The following DNAAF10 variants were observed in gnomAD, a reference collection of about 807,000 sequenced individuals.
DNAAF10 encodes dynein axonemal assembly factor 10, also known as WD repeat domain 92.
In DNAAF10, 28 loss-of-function variants were observed where a neutral mutation model predicts 43.7. The observed-to-expected ratio is 0.64, with a 90% confidence interval of 0.48 to 0.88. DNAAF10 has a LOEUF of 0.88. Ranked by LOEUF, DNAAF10 falls within the 40% of genes least tolerant of loss-of-function variation. The probability of loss-of-function intolerance (pLI) is 0.00; values close to 1 mark genes in which losing one functional copy is unlikely to be tolerated. For synonymous variants in DNAAF10, 156 were observed against 157.3 expected, an observed-to-expected ratio of 0.99 and a Z score of 0.06; for missense variants, 403 against 439.1, an observed-to-expected ratio of 0.92 and a Z score of 0.73.
chr2:68,138,815 T>C lies in DNAAF10; in HGVS notation c.560A>G (p.Tyr187Cys), dbSNP rs954294791. ...NQEERVVCAG[Y>C]DNGDIKLFDL... ...AAATAGTTTGATATCCCCATTGTCA[T>C]AGCCAGCACAAACAACACGTTCTTC... The change falls in exon 5 of 8, where the codon TAT becomes TGT. Residue 187 changes from tyrosine to cysteine, a missense_variant. Transcript: ENST00000295121. 6.8e-6 allele frequency: 11 copies of C among 1,614,162 alleles called. No homozygotes were observed. The highest frequency in any genetic ancestry group is 8.5e-6 in the Non-Finnish European group (10 of 1,180,000).
chr2:68,131,648 G>T (rs1338534650), intron 7 of DNAAF10: 2 of 552,280 alleles, frequency 3.6e-6, no homozygotes. Flanking sequence ...ATAAAAAAGG[G>T]TTATTAGTTC....
intron 1 of DNAAF10, among the ~76,000 whole-genome samples, chr2:68,154,698 G>A (rs17035046): frequency 0.03 from 4,584 of 152,224 alleles, 212 homozygotes; most frequent in African/African-American, 0.11. Flanking sequence ...CCCCAGAGTC[G>A]CTACAAAAGA....
rs1673188123 is a variant in DNAAF10, at chr2:68,141,813, G to A, written c.416-18C>T. 1 of 1,605,688 alleles carries A rather than the reference G, an allele frequency of 6.2e-7. No individual in the cohort carries two copies. The highest frequency in any genetic ancestry group is 1.3e-5 in the African/African-American group (1 of 74,598). On this transcript the variant is annotated intron_variant, in intron 3 of 7. Coordinates refer to ENST00000295121, the MANE Select transcript of DNAAF10 (RefSeq NM_138458.4). ...CACAGTTCCTGCCATGCATAAAAGT[G>A]AGTTGGCAAAAATTCAAAAGTAAAT...
chr2:68,130,165 C>G lies in DNAAF10; in HGVS notation c.*1073G>C, dbSNP rs1672899656. ...TTTTTTTTTGAGACGGAGTCTCACT[C>G]TGTCGCCAGGGCTGGAGTGCAGTGG... is the stretch of plus-strand genomic sequence containing the variant. On this transcript the variant is annotated 3_prime_UTR_variant, in exon 8 of 8. Transcript: ENST00000295121. 7.2e-6 allele frequency: 1 copy of G among 137,976 alleles called. No individual in the cohort carries two copies. Among genetic ancestry groups the G allele is most frequent in the Non-Finnish European group, 1.5e-5 (1 of 66,018 alleles). 8.5% of individuals were successfully genotyped at this position (137,976 alleles called of 1,614,324 possible). A position where few individuals can be genotyped will look rare whatever the true frequency, so the allele number is the denominator to read the frequency against.
intron 1 of DNAAF10, among the ~76,000 whole-genome samples, chr2:68,153,152 A>T (rs1469536709): frequency 6.6e-6 from 1 of 152,150 alleles, no homozygotes; most frequent in African/African-American, 2.4e-5. Flanking sequence ...CCACTTGAGC[A>T]CTCAGCCAGA....
chr2:68,144,568 A>G lies in DNAAF10; in HGVS notation c.415+17T>C. The G allele has an allele frequency of 1.9e-6, 3 of 1,608,034 alleles. No homozygotes were observed. Among genetic ancestry groups the G allele is most frequent in the Non-Finnish European group, 2.5e-6 (3 of 1,178,764 alleles). On this transcript the variant is annotated intron_variant, in intron 3 of 7. Coordinates refer to ENST00000295121, the MANE Select transcript of DNAAF10 (RefSeq NM_138458.4). ...ATTAAAATAAATAAACAAAATACAT[A>G]GAATACAGGGACTCACCATCTCGGC...
Position 68,144,730 on chromosome 2 carries a change from C to G in DNAAF10, c.285-15G>C. ...CTTCTAAATTCCTAAACAACAAACA[C>G]AGCTTCTTACACCACATATCCCAAA... is the stretch of plus-strand genomic sequence containing the variant. On this transcript the variant is annotated splice_polypyrimidine_tract_variant and intron_variant, in intron 2 of 7. Transcript: ENST00000295121. The G allele has an allele frequency of 6.2e-7, 1 of 1,605,044 alleles. No individual in the cohort carries two copies. The highest frequency in any genetic ancestry group is 1.1e-5 in the South Asian group (1 of 88,990).
chr2:68,134,242 C>T (rs1232913129), intron 7 of DNAAF10: 3 of 994,640 alleles, frequency 3.0e-6, no homozygotes, highest in African/African-American at 3.5e-5. Flanking sequence ...TAAAAGCTTT[C>T]ATTGTAACTC....
intron 2 of DNAAF10, 124 bp from the exon 3 acceptor site, chr2:68,144,839 T>TATGA: frequency 7.9e-7 from 1 of 1,272,644 alleles, no homozygotes; most frequent in South Asian, 1.6e-5. Context: ...GCTATGAAGA[T>TATGA]AGTTTATACA....
intron 1 of DNAAF10, among the ~76,000 whole-genome samples, chr2:68,150,662 G>A (rs1042693120): frequency 3.3e-5 from 5 of 152,210 alleles, no homozygotes; most frequent in Admixed American, 2.6e-4. Flanking sequence ...GAACCCAGAG[G>A]GCGGAGGCTG....
intron 1 of DNAAF10, among the ~76,000 whole-genome samples, chr2:68,156,096 T>A (rs1673598337): frequency 2.4e-5 from 2 of 84,046 alleles, no homozygotes; most frequent in South Asian, 5.5e-4. Flanking sequence ...ATTGAGACCC[T>A]GTCTCAAAAA....
At chr2:68,133,055 C>A (rs541858534) in intron 7 of DNAAF10, among the ~76,000 whole-genome samples, 2 of 152,256 alleles carry the variant, frequency 1.3e-5, no homozygotes, top group South Asian at 2.1e-4. Flanking sequence ...ACTAAGGGGA[C>A]TGGCAGAGTC....
rs186190373 is a variant in DNAAF10, at chr2:68,154,310, G to A, written c.183+2951C>T. Among the ~76,000 whole-genome samples, 841 of 152,172 alleles carry A rather than the reference G, an allele frequency of 5.5e-3. 8 individuals are homozygous for A. The highest frequency in any genetic ancestry group is 0.019 in the African/African-American group (803 of 41,484). On this transcript the variant is annotated intron_variant, in intron 1 of 7. Coordinates refer to ENST00000295121, the MANE Select transcript of DNAAF10 (RefSeq NM_138458.4). ...CACCCACGCTGGAGTGCAGTGGCGC[G>A]ATCTCGGCTCACTGCAAGCTCTGCC...
chr2:68,156,884 C>T (rs750597365), intron 1 of DNAAF10: 2 of 257,094 alleles, frequency 7.8e-6, no homozygotes, highest in Middle Eastern at 1.4e-3. Flanking sequence ...AACTGAGTAT[C>T]TCTCCCACTA....
chr2:68,143,548 A>G (rs1673242277), intron 3 of DNAAF10, among the ~76,000 whole-genome samples: 1 of 152,166 alleles, frequency 6.6e-6, no homozygotes, highest in African/African-American at 2.4e-5. Context: ...ATACTCATTT[A>G]CTCATTATTT....
chr2:68,149,084 A>T (rs1021201972), intron 1 of DNAAF10, among the ~76,000 whole-genome samples: 5 of 152,222 alleles, frequency 3.3e-5, no homozygotes, highest in African/African-American at 1.2e-4. Context: ...AAATAATTTT[A>T]AAAATAATTT....
chr2:68,138,322 G>A (rs776415490), intron 5 of DNAAF10, among the ~76,000 whole-genome samples: 91 of 152,114 alleles, frequency 6.0e-4, no homozygotes, highest in Non-Finnish European at 7.9e-4. Flanking sequence ...TTAAGTAAAG[G>A]CTAACAGTAG....
intron 6 of DNAAF10, 146 bp from the exon 7 acceptor site, chr2:68,134,945 G>A (rs546535318): frequency 7.1e-6 from 6 of 848,560 alleles, no homozygotes; most frequent in South Asian, 1.8e-5. Flanking sequence ...TCTTTATAAT[G>A]GCTATAGAGA....
At chr2:68,131,856 A>C (rs1261268655) in intron 7 of DNAAF10, 1 of 193,492 alleles carries the variant, frequency 5.2e-6, no homozygotes, top group Admixed American at 5.3e-5. Context: ...AATGGCTGTA[A>C]GTAACATTTG....
Sources: gnomAD v4.1 joint callset for allele counts (sites outside exome capture counted in the v4.1 genomes callset) on GRCh38, gnomAD v4.1.1 for gene constraint, MANE v1.5 for transcripts, NCBI Gene and HGNC (gene_info 2026-07-23, HGNC 2026-07-21) for gene names.